ATF7IP2: variants seen among roughly 807,000 people sequenced by gnomAD.
The protein encoded by ATF7IP2 is activating transcription factor 7 interacting protein 2.
A neutral mutation model predicts 64.2 loss-of-function variants in ATF7IP2; 42 were observed. The observed-to-expected ratio is 0.65, with a 90% CI of 0.51 to 0.85. ATF7IP2 has a LOEUF of 0.85. Among genes scored for constraint, ATF7IP2 ranks in the 40% least tolerant of loss-of-function variants. ATF7IP2 has a pLI of 0.00. For synonymous variants in ATF7IP2, 308 were observed against 272.8 expected (o/e 1.13, Z -1.27); for missense variants, 933 against 784.2 (o/e 1.19, Z -2.27).
intron 12 of ATF7IP2, among the ~76,000 whole-genome samples, chr16:10,480,184 A>G (rs1381289227): frequency 6.6e-6 from 1 of 151,574 alleles, no homozygotes; most frequent in Non-Finnish European, 1.5e-5. Context: ...ACAGCATTCT[A>G]CCATGTTGCC....
intron 4 of ATF7IP2, 146 bp from the exon 5 acceptor site, chr16:10,430,465 A>T: frequency 1.8e-6 from 1 of 568,498 alleles, no homozygotes; most frequent in Non-Finnish European, 3.1e-6. Context: ...ATGAAAATGG[A>T]TATGATTTTC....
intron 9 of ATF7IP2, among the ~76,000 whole-genome samples, chr16:10,465,751 G>T (rs1414122629): frequency 6.6e-6 from 1 of 150,398 alleles, no homozygotes; most frequent in Non-Finnish European, 1.5e-5. Context: ...AAACAAAAAA[G>T]AGCTTTCATT....
At chr16:10,413,464 C>G (rs1230026691) in intron 1 of ATF7IP2, among the ~76,000 whole-genome samples, 1 of 152,180 alleles carries the variant, frequency 6.6e-6, no homozygotes, top group Non-Finnish European at 1.5e-5. Flanking sequence ...CCAATTAAAC[C>G]TCTTTTTCTT....
intron 3 of ATF7IP2, among the ~76,000 whole-genome samples, chr16:10,421,610 G>C (rs140212603): frequency 6.6e-6 from 1 of 152,166 alleles, no homozygotes; most frequent in Non-Finnish European, 1.5e-5. Context: ...AGGAGTAGTA[G>C]TCTGAATTTT....
intron 8 of ATF7IP2, among the ~76,000 whole-genome samples, chr16:10,453,490 A>G (rs57826303): frequency 0.011 from 1,615 of 152,318 alleles, 14 homozygotes; most frequent in African/African-American, 0.029. Flanking sequence ...TTCTGCATCA[A>G]TCTTACTGGG....
chr16:10,431,266 GACA>G lies in ATF7IP2; in HGVS notation c.650_652del (p.Asn217del). ...AGAATCACATGATAAAAGGCAAAGT[GACA>G]ACATTTTATGTTCAGAAGACTCAGG... On this transcript the variant is annotated inframe_deletion, in exon 5 of 14. Coordinates refer to ENST00000562102, the MANE Select transcript of ATF7IP2 (RefSeq NM_001393719.1). The G allele has an allele frequency of 1.2e-6, 2 of 1,614,112 alleles. No homozygotes were observed. The highest frequency in any genetic ancestry group is 8.5e-7 in the Non-Finnish European group (1 of 1,180,010).
chr16:10,444,352 C>T (rs1233415297), intron 8 of ATF7IP2, among the ~76,000 whole-genome samples: 1 of 152,032 alleles, frequency 6.6e-6, no homozygotes, highest in Non-Finnish European at 1.5e-5. Context: ...CTTAACGGTC[C>T]AGACTGCTGT....
chr16:10,473,952 T>C lies in ATF7IP2; in HGVS notation c.1512T>C (p.Ile504=), dbSNP rs1320471497. The C allele has an allele frequency of 3.1e-6, 5 of 1,598,796 alleles. No individual in the cohort carries two copies. The highest frequency in any genetic ancestry group is 1.1e-5 in the South Asian group (1 of 89,682). Residue 504 remains isoleucine, a synonymous_variant, in exon 12 of 14, where the codon ATT becomes ATC. Transcript: ENST00000562102. ...TACAGAAGAAACTTGATTCTATAAT[T>C]GATTTGACAAAAGAAGGCCTATCCA... ...MAVQKKLDSI[I]DLTKEGLSNC...
intron 2 of ATF7IP2, among the ~76,000 whole-genome samples, chr16:10,418,918 T>A (rs1452926599): frequency 1.3e-5 from 2 of 152,232 alleles, no homozygotes; most frequent in Admixed American, 1.3e-4. Flanking sequence ...TCTGACCGTT[T>A]TGTTCAGACC....
At chr16:10,474,035 G>T (rs999487581) in intron 12 of ATF7IP2, 46 bp downstream of exon 12, 8 of 1,285,182 alleles carry the variant, frequency 6.2e-6, no homozygotes, top group South Asian at 1.3e-5. Flanking sequence ...GGAGGGAAGG[G>T]TAACAACTCA....
chr16:10,395,688 T>G (rs1261157604), intron 1 of ATF7IP2, among the ~76,000 whole-genome samples: 1 of 152,208 alleles, frequency 6.6e-6, no homozygotes, highest in Non-Finnish European at 1.5e-5. Context: ...CTACATGATC[T>G]TTTTAAGAGA....
chr16:10,464,971 C>G (rs559674440), intron 9 of ATF7IP2, among the ~76,000 whole-genome samples: 1 of 152,292 alleles, frequency 6.6e-6, no homozygotes, highest in Non-Finnish European at 1.5e-5. Flanking sequence ...GCTGGGATTA[C>G]AGGCATGTGT....
chr16:10,437,962 T>C (rs1258900185), intron 6 of ATF7IP2, 139 bp from the exon 7 acceptor site: 5 of 581,298 alleles, frequency 8.6e-6, no homozygotes, highest in Non-Finnish European at 1.3e-5. Context: ...GGTATAGTTA[T>C]ATAAACATAC....
chr16:10,410,746 C>T (rs777393221), intron 1 of ATF7IP2, among the ~76,000 whole-genome samples: 13 of 152,162 alleles, frequency 8.5e-5, no homozygotes, highest in African/African-American at 1.2e-4. Flanking sequence ...TCTTTAATTG[C>T]CATGTCAATC....
chr16:10,400,967 G>T (rs1332226769), intron 1 of ATF7IP2, among the ~76,000 whole-genome samples: 2 of 152,064 alleles, frequency 1.3e-5, no homozygotes, highest in Non-Finnish European at 2.9e-5. Flanking sequence ...CTCCCAAAGT[G>T]CTGGGAATAT....
chr16:10,425,842 G>C (rs2048074865), intron 3 of ATF7IP2, among the ~76,000 whole-genome samples: 1 of 151,702 alleles, frequency 6.6e-6, no homozygotes, highest in Admixed American at 6.6e-5. Context: ...GCGATGAGCT[G>C]AGATCATGCC....
intron 8 of ATF7IP2, chr16:10,445,880 T>C (rs1210346113): frequency 1.3e-5 from 2 of 152,236 alleles, no homozygotes; most frequent in African/African-American, 4.8e-5. Flanking sequence ...AATAAAGCCT[T>C]GTTCAATCGA....
chr16:10,441,681 C>T (rs768783076), intron 8 of ATF7IP2, among the ~76,000 whole-genome samples: 11 of 152,190 alleles, frequency 7.2e-5, no homozygotes, highest in South Asian at 4.1e-4. Flanking sequence ...AAATTTTCTC[C>T]CATTCTGTAG....
chr16:10,419,163 G>T (rs905762119), intron 2 of ATF7IP2, among the ~76,000 whole-genome samples: 3 of 152,136 alleles, frequency 2.0e-5, no homozygotes, highest in African/African-American at 7.2e-5. Context: ...GATTTATTAT[G>T]GTAAATAGTG....
Sources: allele counts gnomAD v4.1 joint callset (sites outside exome capture counted in the v4.1 genomes callset), GRCh38; gene constraint gnomAD v4.1.1; transcripts MANE v1.5; gene names NCBI Gene and HGNC (gene_info 2026-07-23, HGNC 2026-07-21).